L3MBTL4: variants seen among roughly 807,000 people sequenced by gnomAD.
L3MBTL4 encodes lethal(3)malignant brain tumor-like protein 4.
In L3MBTL4, 70 loss-of-function variants were observed where a neutral mutation model predicts 84.5. The observed-to-expected ratio is 0.83, with a 90% CI of 0.68 to 1.01. The LOEUF (loss-of-function observed/expected upper bound fraction) is 1.01, where lower values mean the gene tolerates loss of function less well. L3MBTL4 is among the 50% of genes least tolerant of loss of function. The probability of loss-of-function intolerance (pLI) is 0.00; values close to 1 mark genes in which losing one functional copy is unlikely to be tolerated. For missense variants in L3MBTL4, 715 were observed against 754.8 expected, an observed-to-expected ratio of 0.95 and a Z score of 0.62; for synonymous variants, 274 against 259.8, an observed-to-expected ratio of 1.05 and a Z score of -0.52.
At chr18:6,307,638 T>C (rs865806515) in intron 3 of L3MBTL4, among the ~76,000 whole-genome samples, 1 of 152,138 alleles carries the variant, frequency 6.6e-6, no homozygotes, top group Non-Finnish European at 1.5e-5. Context: ...GGGCTACATA[T>C]GTACTTAGTT....
chr18:6,122,083 G>T (rs8086072), intron 14 of L3MBTL4, among the ~76,000 whole-genome samples: 2,327 of 152,176 alleles, frequency 0.015, 66 homozygotes, highest in African/African-American at 0.054. Context: ...TCTGTCCAAG[G>T]CTCGCTTTTT....
At chr18:6,317,795 T>G (rs150262838) in intron 1 of L3MBTL4, among the ~76,000 whole-genome samples, 1 of 152,244 alleles carries the variant, frequency 6.6e-6, no homozygotes, top group East Asian at 1.9e-4. Flanking sequence ...CCAAGGTATA[T>G]AGTCATCAAG....
At chr18:6,133,333 TCACA>T (rs71699994) in intron 14 of L3MBTL4, among the ~76,000 whole-genome samples, 585 of 146,712 alleles carry the variant, frequency 4.0e-3, no homozygotes, top group Middle Eastern at 6.9e-3. Flanking sequence ...CAGCTCTAGA[TCACA>T]CACACACACA....
At chr18:5,997,059 A>G (rs1439366945) in intron 16 of L3MBTL4, among the ~76,000 whole-genome samples, 1 of 142,388 alleles carries the variant, frequency 7.0e-6, no homozygotes, top group Non-Finnish European at 1.5e-5. Flanking sequence ...TTGGGAAAAA[A>G]CTAAACAATA....
At chr18:6,123,102 G>A (rs1455363659) in intron 14 of L3MBTL4, among the ~76,000 whole-genome samples, 2 of 152,106 alleles carry the variant, frequency 1.3e-5, no homozygotes, top group East Asian at 3.9e-4. Context: ...AGGAAAGGGG[G>A]TTATTCTAAC....
At chr18:6,398,423 A>AT in intron 1 of L3MBTL4, among the ~76,000 whole-genome samples, 1 of 152,172 alleles carries the variant, frequency 6.6e-6, no homozygotes, top group East Asian at 1.9e-4. Context: ...GTGGAGCATC[A>AT]TCCCATCCTG....
At chr18:6,183,450 C>T (rs1405406795) in intron 12 of L3MBTL4, among the ~76,000 whole-genome samples, 1 of 152,200 alleles carries the variant, frequency 6.6e-6, no homozygotes, top group Non-Finnish European at 1.5e-5. Context: ...AACTGTTCAC[C>T]AGGCCTCTAC....
chr18:6,183,064 G>T (rs2044552644), intron 12 of L3MBTL4, among the ~76,000 whole-genome samples: 1 of 152,300 alleles, frequency 6.6e-6, no homozygotes, highest in African/African-American at 2.4e-5. Flanking sequence ...ATAAGAAATA[G>T]AATTAGTTTT....
chr18:6,120,475 A>C (rs1004068903), intron 14 of L3MBTL4, among the ~76,000 whole-genome samples: 5 of 152,176 alleles, frequency 3.3e-5, no homozygotes, highest in African/African-American at 1.2e-4. Context: ...TCTTGAGGTC[A>C]TTTTTGTTTG....
chr18:6,380,244 T>G (rs2054542181), intron 1 of L3MBTL4, among the ~76,000 whole-genome samples: 1 of 152,206 alleles, frequency 6.6e-6, no homozygotes, highest in South Asian at 2.1e-4. Context: ...TCTATCTATT[T>G]TGTTGATCTT....
chr18:6,105,183 A>ATTTTTTTTTTTTTT, intron 14 of L3MBTL4, among the ~76,000 whole-genome samples: 1 of 100,424 alleles, frequency 1.0e-5, no homozygotes, highest in Non-Finnish European at 1.8e-5. Flanking sequence ...AACACCACCA[A>ATTTTTTTTTTTTTT]TTTTTTTTTT....
intron 16 of L3MBTL4, among the ~76,000 whole-genome samples, chr18:6,060,398 T>G (rs1438606723): frequency 1.3e-5 from 2 of 152,032 alleles, no homozygotes; most frequent in African/African-American, 4.8e-5. Context: ...CAGCTTTTTT[T>G]TTTTTCTTTT....
At chr18:6,235,792 T>C (rs1217046530) in intron 10 of L3MBTL4, among the ~76,000 whole-genome samples, 1 of 152,206 alleles carries the variant, frequency 6.6e-6, no homozygotes, top group Non-Finnish European at 1.5e-5. Flanking sequence ...ATACATTAAA[T>C]ACCACCAAAT....
chr18:6,051,176 T>G (rs567379652), intron 16 of L3MBTL4, among the ~76,000 whole-genome samples: 20 of 152,202 alleles, frequency 1.3e-4, no homozygotes, highest in Non-Finnish European at 1.9e-4. Context: ...CTGACTAAAA[T>G]TCTGCCGACT....
intron 16 of L3MBTL4, among the ~76,000 whole-genome samples, chr18:5,992,280 G>T (rs1442576503): frequency 6.6e-6 from 1 of 152,144 alleles, no homozygotes; most frequent in African/African-American, 2.4e-5. Flanking sequence ...CGGGGCTTGA[G>T]GTCTTTCAGG....
intron 4 of L3MBTL4, among the ~76,000 whole-genome samples, chr18:6,284,438 A>C (rs1018980618): frequency 2.0e-5 from 3 of 152,204 alleles, no homozygotes; most frequent in Non-Finnish European, 4.4e-5. Flanking sequence ...GTCGAAGCCA[A>C]AGACGAGGCC....
rs138216675 is a variant in L3MBTL4, at chr18:5,981,709, G to A, written c.1445-12147C>T. Among the ~76,000 whole-genome samples the A allele has an allele frequency of 5.3e-4, 80 of 151,524 alleles. No individual in the cohort carries two copies. In the East Asian group the frequency reaches 9.7e-3, roughly 18 times the overall value. ...TCCTGCTTGTAGTCCCAGCTACTCC[G>A]AAGACACTTGAGTCCAGGAGTTTGA... On this transcript the variant is annotated intron_variant, in intron 16 of 18. Coordinates refer to ENST00000317931, the MANE Select transcript of L3MBTL4 (RefSeq NM_001330559.2).
intron 12 of L3MBTL4, among the ~76,000 whole-genome samples, chr18:6,204,179 G>A (rs1179575543): frequency 6.6e-6 from 1 of 152,228 alleles, no homozygotes; most frequent in Non-Finnish European, 1.5e-5. Context: ...ACACCCCTTG[G>A]GGTTGGAGGA....
At chr18:6,221,750 C>A (rs1369544117) in intron 10 of L3MBTL4, among the ~76,000 whole-genome samples, 1 of 152,144 alleles carries the variant, frequency 6.6e-6, no homozygotes, top group Admixed American at 6.5e-5. Context: ...ATTTTAAGAA[C>A]CTGAATTATA....
Sources: allele counts gnomAD v4.1 joint callset (sites outside exome capture counted in the v4.1 genomes callset), GRCh38; gene constraint gnomAD v4.1.1; transcripts MANE v1.5; gene names NCBI Gene and HGNC (gene_info 2026-07-23, HGNC 2026-07-21).